DYM: variants seen among roughly 807,000 people sequenced by gnomAD.
DYM encodes dyggve-Melchior-Clausen syndrome protein.
A neutral mutation model predicts 93.1 loss-of-function variants in DYM; 78 were observed. That is an observed-to-expected ratio of 0.84 (90% CI 0.70 to 1.01). DYM has a LOEUF of 1.01. Ranked by LOEUF, DYM falls within the 50% of genes least tolerant of loss-of-function variation. The pLI is 0.00. For synonymous variants in DYM, 321 were observed against 319.7 expected (o/e 1.00, Z -0.04); for missense variants, 789 against 845.0 (o/e 0.93, Z 0.82).
chr18:49,433,046 T>G (rs1464281034), intron 1 of DYM, among the ~76,000 whole-genome samples: 1 of 152,092 alleles, frequency 6.6e-6, no homozygotes, highest in Non-Finnish European at 1.5e-5. Flanking sequence ...TCCTTCCACA[T>G]GAGGGAACAA....
chr18:49,246,896 C>T (rs2056474285), intron 13 of DYM, among the ~76,000 whole-genome samples: 1 of 152,204 alleles, frequency 6.6e-6, no homozygotes. Flanking sequence ...ACAGGTTTTT[C>T]CAATGGCAAC....
intron 16 of DYM, among the ~76,000 whole-genome samples, chr18:49,108,635 G>A (rs1047465349): frequency 6.6e-6 from 1 of 152,154 alleles, no homozygotes; most frequent in African/African-American, 2.4e-5. Context: ...ATTTGCTGAG[G>A]TTTGTTTTAC....
At chr18:49,160,597 C>CACATCT (rs1399307508) in intron 15 of DYM, among the ~76,000 whole-genome samples, 6 of 138,248 alleles carry the variant, frequency 4.3e-5, no homozygotes, top group Non-Finnish European at 7.8e-5. Flanking sequence ...AAAAAAAGTA[C>CACATCT]ACATCTAGGA....
chr18:49,394,365 A>G (rs1161254060), intron 2 of DYM, among the ~76,000 whole-genome samples: 1 of 152,132 alleles, frequency 6.6e-6, no homozygotes, highest in Admixed American at 6.5e-5. Context: ...GTCCTCAACA[A>G]ATGATAGATT....
chr18:49,122,343 T>C (rs768763948), intron 15 of DYM, among the ~76,000 whole-genome samples: 1 of 152,192 alleles, frequency 6.6e-6, no homozygotes, highest in East Asian at 1.9e-4. Context: ...GCAGGTATAC[T>C]TGTTCTTTTT....
chr18:49,410,781 T>A (rs1051465147), intron 2 of DYM, among the ~76,000 whole-genome samples: 3 of 151,886 alleles, frequency 2.0e-5, no homozygotes, highest in African/African-American at 7.3e-5. Context: ...CTCAAAAAAA[T>A]TAAAATTAAA....
chr18:49,409,941 C>G (rs957618502), intron 2 of DYM, among the ~76,000 whole-genome samples: 3 of 152,174 alleles, frequency 2.0e-5, no homozygotes, highest in African/African-American at 7.2e-5. Flanking sequence ...ATACGTAGTA[C>G]CTAAAGAAAC....
At chr18:49,045,589 C>T (rs1229757206) in intron 17 of DYM, among the ~76,000 whole-genome samples, 1 of 152,190 alleles carries the variant, frequency 6.6e-6, no homozygotes, top group Non-Finnish European at 1.5e-5. Flanking sequence ...GCAGCCAAAC[C>T]CAGCTCCTGT....
At chr18:49,435,731 G>A (rs549922635) in intron 1 of DYM, among the ~76,000 whole-genome samples, 2 of 152,314 alleles carry the variant, frequency 1.3e-5, no homozygotes, top group South Asian at 4.1e-4. Context: ...GGAGGTTGCA[G>A]TGAACCGAGA....
At chr18:49,444,652 A>G (rs2081948990) in intron 1 of DYM, among the ~76,000 whole-genome samples, 1 of 152,212 alleles carries the variant, frequency 6.6e-6, no homozygotes, top group Non-Finnish European at 1.5e-5. Context: ...CAATGCAAGT[A>G]GAAACGAACA....
intron 8 of DYM, among the ~76,000 whole-genome samples, chr18:49,303,018 T>A (rs772177985): frequency 1.9e-4 from 29 of 152,216 alleles, no homozygotes; most frequent in Non-Finnish European, 4.0e-4. Context: ...TGAGTCTAGC[T>A]CCAAATTATC....
chr18:49,193,788 C>G (rs1320572148), intron 14 of DYM, among the ~76,000 whole-genome samples: 1 of 152,198 alleles, frequency 6.6e-6, no homozygotes, highest in Non-Finnish European at 1.5e-5. Context: ...AACCATTTAA[C>G]TTCTCTGTAT....
At chr18:49,109,977 C>G (rs1449367479) in intron 16 of DYM, among the ~76,000 whole-genome samples, 1 of 152,192 alleles carries the variant, frequency 6.6e-6, no homozygotes, top group African/African-American at 2.4e-5. Flanking sequence ...ATAAACCCCA[C>G]AATACATTGT....
At chr18:49,097,347 C>A (rs1215953971) in intron 17 of DYM, 55 bp downstream of exon 17, 4 of 1,529,644 alleles carry the variant, frequency 2.6e-6, no homozygotes, top group Non-Finnish European at 3.6e-6. Flanking sequence ...AAGACACTAA[C>A]ATTTACATCA....
chr18:49,405,896 T>G (rs1296246428), intron 2 of DYM, among the ~76,000 whole-genome samples: 1 of 152,218 alleles, frequency 6.6e-6, no homozygotes, highest in East Asian at 1.9e-4. Context: ...TGTCTATGAT[T>G]TCTTTCAGCA....
intron 14 of DYM, among the ~76,000 whole-genome samples, chr18:49,178,763 C>T (rs1023016444): frequency 7.2e-5 from 11 of 151,954 alleles, no homozygotes; most frequent in South Asian, 2.1e-4. Flanking sequence ...TTATAACTAC[C>T]GATAATTACA....
chr18:49,230,668 C>T (rs1261247090), intron 13 of DYM, among the ~76,000 whole-genome samples: 2 of 152,180 alleles, frequency 1.3e-5, no homozygotes, highest in Non-Finnish European at 2.9e-5. Flanking sequence ...AGTTATTTCT[C>T]AAGGTCTTAA....
At position 49,040,737 on chromosome 18, in the gene DYM, G is replaced by T. The variant is rs2070879754; in HGVS notation, c.*3318C>A. Among the ~76,000 whole-genome samples, 1 of 152,230 alleles carries T rather than the reference G, an allele frequency of 6.6e-6. No homozygotes were observed. The stretch of plus-strand genomic sequence containing the variant: ...AGAGACTCCAGCCTATGAAGTATCA[G>T]CAAGTGCCAAAAATTTATGGCTCTG... On this transcript the variant is annotated 3_prime_UTR_variant, in exon 18 of 18. Transcript: ENST00000675505.
At chr18:49,307,715 AAAC>A (rs2061352988) in intron 8 of DYM, among the ~76,000 whole-genome samples, 1 of 152,172 alleles carries the variant, frequency 6.6e-6, no homozygotes, top group Non-Finnish European at 1.5e-5. Flanking sequence ...AGATCAGAAC[AAAC>A]AACTGTGCCC....
Sources: allele counts gnomAD v4.1 joint callset (sites outside exome capture counted in the v4.1 genomes callset), GRCh38; gene constraint gnomAD v4.1.1; transcripts MANE v1.5; gene names NCBI Gene and HGNC (gene_info 2026-07-23, HGNC 2026-07-21).